METTL25: variants seen among roughly 807,000 people sequenced by gnomAD.
METTL25 encodes the protein probable methyltransferase-like protein 25.
In METTL25, 64 loss-of-function variants were observed where a neutral mutation model predicts 71.6. That is an observed-to-expected ratio of 0.89 (90% CI 0.73 to 1.10). The LOEUF (loss-of-function observed/expected upper bound fraction) is 1.10. Among genes scored for constraint, METTL25 ranks in the 50% least tolerant of loss-of-function variants. The probability of loss-of-function intolerance (pLI) is 0.00; values close to 1 mark genes in which losing one functional copy is unlikely to be tolerated. For missense variants in METTL25, 807 were observed against 707.0 expected (o/e 1.14, Z -1.60); for synonymous variants, 287 against 250.3 (o/e 1.15, Z -1.38).
At chr12:82,390,156 C>T (rs1885438590) in intron 3 of METTL25, among the ~76,000 whole-genome samples, 1 of 151,842 alleles carries the variant, frequency 6.6e-6, no homozygotes, top group Admixed American at 6.6e-5. Context: ...AATGTTTTGC[C>T]ACACATTTCA....
intron 8 of METTL25, among the ~76,000 whole-genome samples, chr12:82,449,440 C>A (rs749249321): frequency 1.5e-4 from 23 of 152,194 alleles, no homozygotes; most frequent in Non-Finnish European, 2.4e-4. Flanking sequence ...GATTATTCAT[C>A]ATTTCCCATG....
Position 82,372,022 on chromosome 12 carries a change from T to G in METTL25, c.259+13198T>G, listed in dbSNP as rs545018497. 7.3e-4 allele frequency among the ~76,000 whole-genome samples: 111 copies of G among 152,330 alleles called. 1 individual carries two copies. Among genetic ancestry groups the G allele is most frequent in the African/African-American group, 2.5e-3 (106 of 41,572 alleles). On this transcript the variant is annotated intron_variant, in intron 1 of 11. Coordinates refer to ENST00000248306, the MANE Select transcript of METTL25 (RefSeq NM_032230.3). ...CCTTTTTTCAGCTGTCATTCCATCA[T>G]TTACTTGACTAAGATACAAGGTATC...
chr12:82,457,911 T>C (rs1835866695), intron 9 of METTL25, among the ~76,000 whole-genome samples: 1 of 152,114 alleles, frequency 6.6e-6, no homozygotes, highest in Non-Finnish European at 1.5e-5. Context: ...TGTTTTTCAT[T>C]CACCTGACTG....
intron 1 of METTL25, among the ~76,000 whole-genome samples, chr12:82,378,117 A>G (rs1366083489): frequency 6.6e-6 from 1 of 152,182 alleles, no homozygotes; most frequent in Non-Finnish European, 1.5e-5. Context: ...TTCTCCTCTG[A>G]GTAAACACTG....
chr12:82,430,862 T>G, intron 5 of METTL25, 31 bp from the exon 6 acceptor site: 1 of 1,139,134 alleles, frequency 8.8e-7, no homozygotes, highest in Non-Finnish European at 1.3e-6. Flanking sequence ...GAATTTTATT[T>G]AAATAATCCG....
In METTL25 at chr12:82,358,743, G is replaced by A; in HGVS notation, c.178G>A (p.Ala60Thr). 1 of 1,614,144 alleles carries A rather than the reference G, an allele frequency of 6.2e-7. No homozygotes were observed. The highest frequency in any genetic ancestry group is 8.5e-7 in the Non-Finnish European group (1 of 1,180,040). ...LVDLPPETVL[A>T]ALRKSASETE... ...CGACTTGCCACCGGAGACAGTGCTG[G>A]CTGCGCTGAGGAAGTCAGCGTCGGA... Residue 60 changes from alanine to threonine, a missense_variant, in exon 1 of 12, where the codon GCT becomes ACT. Transcript: ENST00000248306.
At chr12:82,387,850 G>A (rs950091819) in intron 2 of METTL25, among the ~76,000 whole-genome samples, 2 of 151,852 alleles carry the variant, frequency 1.3e-5, no homozygotes, top group Non-Finnish European at 2.9e-5. Context: ...TAGTTTATTG[G>A]CACACTCAGG....
At chr12:82,417,582 T>G (rs552440017) in intron 5 of METTL25, among the ~76,000 whole-genome samples, 1 of 152,318 alleles carries the variant, frequency 6.6e-6, no homozygotes, top group Admixed American at 6.5e-5. Flanking sequence ...CAACTGAATT[T>G]AATAATTCAT....
chr12:82,478,974 G>C lies in METTL25; in HGVS notation c.1762G>C (p.Val588Leu). The C allele has an allele frequency of 6.2e-7, 1 of 1,612,516 alleles. No individual in the cohort carries two copies. The highest frequency in any genetic ancestry group is 8.5e-7 in the Non-Finnish European group (1 of 1,178,938). ...TGCTCTTGTGAAGTTGTTTGATCCC[G>C]TGAAATCTCCCAGATGTTATGCTGT... Reference protein sequence around the residue: ...WSALVKLFDPVKSPRCYAVIA... With the variant: ...WSALVKLFDPLKSPRCYAVIA... The change falls in exon 12 of 12, where the codon GTG (valine) becomes CTG (leucine). Residue 588 changes from valine (V) to leucine (L), a missense_variant. Transcript: ENST00000248306.
At chr12:82,405,525 C>T (rs1380174391) in intron 5 of METTL25, among the ~76,000 whole-genome samples, 1 of 151,926 alleles carries the variant, frequency 6.6e-6, no homozygotes, top group Non-Finnish European at 1.5e-5. Flanking sequence ...AGTTACTTGC[C>T]AGGATTGAAA....
intron 5 of METTL25, among the ~76,000 whole-genome samples, chr12:82,417,444 G>C (rs1368052932): frequency 6.6e-6 from 1 of 152,100 alleles, no homozygotes; most frequent in East Asian, 1.9e-4. Context: ...AAGTATGCAA[G>C]CATATACGTT....
intron 3 of METTL25, among the ~76,000 whole-genome samples, chr12:82,397,918 A>G (rs1886225043): frequency 6.6e-6 from 1 of 151,848 alleles, no homozygotes; most frequent in Non-Finnish European, 1.5e-5. Context: ...AAATTCTTCA[A>G]CCTTATTCTT....
At chr12:82,471,358 C>T (rs1459358750) in intron 9 of METTL25, among the ~76,000 whole-genome samples, 1 of 152,214 alleles carries the variant, frequency 6.6e-6, no homozygotes, top group Non-Finnish European at 1.5e-5. Flanking sequence ...GCCTACAGGG[C>T]TTTCAGTTTA....
intron 1 of METTL25, among the ~76,000 whole-genome samples, chr12:82,364,528 T>C (rs1378068895): frequency 6.6e-6 from 1 of 152,254 alleles, no homozygotes; most frequent in East Asian, 1.9e-4. Context: ...TAGGAAAGAC[T>C]GTGGCCTACA....
At chr12:82,459,430 C>G (rs189412677) in intron 9 of METTL25, among the ~76,000 whole-genome samples, 76 of 152,136 alleles carry the variant, frequency 5.0e-4, no homozygotes, top group Non-Finnish European at 9.6e-4. Flanking sequence ...GAGTTTGAGA[C>G]TAGCCTGAGC....
intron 5 of METTL25, among the ~76,000 whole-genome samples, chr12:82,422,741 A>G (rs1372685633): frequency 2.0e-5 from 3 of 152,314 alleles, no homozygotes; most frequent in Admixed American, 2.0e-4. Context: ...AAGCATTCTT[A>G]TACACCAATA....
rs1205775678 is a variant in METTL25, at chr12:82,478,968, G to GATCC, written c.1757_1760dup (p.Val588SerfsTer26). 6.2e-7 allele frequency: 1 copy of GATCC among 1,612,696 alleles called. No homozygotes were observed. The highest frequency in any genetic ancestry group is 2.2e-5 in the East Asian group (1 of 44,760). ...ATGGTCTGCTCTTGTGAAGTTGTTTGATCCCGTGAAATCTCCCAGATGTTA... is the reference window on the plus strand; with the variant it reads ...ATGGTCTGCTCTTGTGAAGTTGTTTGATCCATCCCGTGAAATCTCCCAGATGTTA... On this transcript the variant is annotated frameshift_variant, in exon 12 of 12. Transcript: ENST00000248306. LOFTEE classifies it high-confidence loss of function.
At chr12:82,449,601 T>C (rs1259330494) in intron 8 of METTL25, among the ~76,000 whole-genome samples, 1 of 152,194 alleles carries the variant, frequency 6.6e-6, no homozygotes, top group Non-Finnish European at 1.5e-5. Context: ...ATCTCTGTGA[T>C]AGCTTTCTTT....
intron 5 of METTL25, among the ~76,000 whole-genome samples, chr12:82,424,506 G>A (rs1307467199): frequency 6.6e-6 from 1 of 151,128 alleles, no homozygotes; most frequent in Non-Finnish European, 1.5e-5. Context: ...TGCACATTGT[G>A]CACATGTACC....
Sources: allele counts gnomAD v4.1 joint callset (sites outside exome capture counted in the v4.1 genomes callset), GRCh38; gene constraint gnomAD v4.1.1; transcripts MANE v1.5; gene names NCBI Gene and HGNC (gene_info 2026-07-23, HGNC 2026-07-21).